The following CXCL10 variants were observed in gnomAD, a reference collection of about 807,000 sequenced individuals.
CXCL10 encodes C-X-C motif chemokine 10.
CXCL10 carries 6 observed loss-of-function variants against 10.8 expected under a neutral mutation model. That is an observed-to-expected ratio of 0.55 (90% CI 0.30 to 1.09). CXCL10 has a LOEUF of 1.09. Among genes scored for constraint, CXCL10 ranks in the 50% least tolerant of loss-of-function variants. The pLI, the probability that CXCL10 is intolerant of heterozygous loss-of-function variation, is 0.06. For synonymous variants in CXCL10, 35 were observed against 35.8 expected, an observed-to-expected ratio of 0.98 and a Z score of 0.08; for missense variants, 114 against 114.3, an observed-to-expected ratio of 1.00 and a Z score of 0.01.
At chr4:76,022,327 C>T in intron 3 of CXCL10, 39 bp downstream of exon 3, 1 of 1,539,538 alleles carries the variant, frequency 6.5e-7, no homozygotes, top group Non-Finnish European at 9.0e-7. Flanking sequence ...ATTGCCGTTT[C>T]CTAAAGAGCA....
rs968427234 is a variant in CXCL10, at chr4:76,021,559, A to G, written c.*371T>C. Reference sequence around the variant, plus strand: ...AGATTTGATTGCATACCTTTTAGTTATTTGAGATTCTGAGAATTCTGATAA... The same window carrying G: ...AGATTTGATTGCATACCTTTTAGTTGTTTGAGATTCTGAGAATTCTGATAA... On this transcript the variant is annotated 3_prime_UTR_variant, in exon 4 of 4. Coordinates refer to ENST00000306602, the MANE Select transcript of CXCL10 (RefSeq NM_001565.4). The G allele has an allele frequency of 1.9e-5, 4 of 215,348 alleles. No homozygotes were observed. Among genetic ancestry groups the G allele is most frequent in the Non-Finnish European group, 3.7e-5 (4 of 109,568 alleles). 13.3% of individuals were successfully genotyped at this position (215,348 alleles called of 1,614,324 possible).
intron 3 of CXCL10, 104 bp downstream of exon 3, chr4:76,022,260 ACT>A: frequency 1.1e-6 from 1 of 913,902 alleles, no homozygotes; most frequent in Non-Finnish European, 1.8e-6. Context: ...GTGGTAACAT[ACT>A]TTTAAACCAG....
rs1433789272 is a variant in CXCL10 at position 76,022,818 on chromosome 4, C to G, written c.62-1G>C. The G allele has an allele frequency of 1.9e-6, 3 of 1,607,016 alleles. No homozygotes were observed. Among genetic ancestry groups the G allele is most frequent in the Non-Finnish European group, 2.5e-6 (3 of 1,179,176 alleles). On this transcript the variant is annotated splice_acceptor_variant, in intron 1 of 3. Transcript: ENST00000306602. LOFTEE classifies it high-confidence loss of function. ...CGTACAGTTCTAGAGAGAGGTACTC[C>G]TGTAGGAAAAGAGGAACAGCAGAGA...
chr4:76,022,602 T>C lies in CXCL10; in HGVS notation c.188+89A>G, dbSNP rs1732960871. On this transcript the variant is annotated intron_variant, in intron 2 of 3. Coordinates refer to ENST00000306602, the MANE Select transcript of CXCL10 (RefSeq NM_001565.4). ...TTAGTTTTAGAATCATCACAAACCCTTTACTGATCTTTTTTTATTATCATT... is the reference window on the plus strand; with the variant it reads ...TTAGTTTTAGAATCATCACAAACCCCTTACTGATCTTTTTTTATTATCATT... 3.5e-6 allele frequency: 5 copies of C among 1,442,340 alleles called. No individual in the cohort carries two copies. In the East Asian group the frequency reaches 1.3e-4, roughly 37 times the overall value. 89.3% of individuals were successfully genotyped at this position (1,442,340 alleles called of 1,614,324 possible).
chr4:76,023,185 T>C (rs1057099363), intron 1 of CXCL10, among the ~76,000 whole-genome samples, 186 bp downstream of exon 1: 1 of 151,132 alleles, frequency 6.6e-6, no homozygotes, highest in Non-Finnish European at 1.5e-5. Context: ...CTCTTTCTCT[T>C]ATTCTATTTG....
intron 2 of CXCL10, 24 bp from the exon 3 acceptor site, chr4:76,022,479 A>G (rs745960921): frequency 1.3e-5 from 21 of 1,600,856 alleles, no homozygotes; most frequent in Non-Finnish European, 1.7e-5. Flanking sequence ...TAGGGATGAA[A>G]ATATTTAAAA....
chr4:76,022,010 G>T, intron 3 of CXCL10, 62 bp from the exon 4 acceptor site: 2 of 1,457,948 alleles, frequency 1.4e-6, no homozygotes, highest in Non-Finnish European at 1.9e-6. Flanking sequence ...AGATTGGGTT[G>T]TGTTTGGAAA....
At position 76,021,276 on chromosome 4, in the gene CXCL10, TC is replaced by T. The variant is rs1389850153; in HGVS notation, c.*653del. The T allele has an allele frequency of 6.6e-6, 1 of 152,264 alleles. No individual in the cohort carries two copies. Among genetic ancestry groups the T allele is most frequent in the Admixed American group, 6.5e-5 (1 of 15,286 alleles). 9.4% of individuals were successfully genotyped at this position (152,264 alleles called of 1,614,324 possible). A position where few individuals can be genotyped will look rare whatever the true frequency, so the allele number is the denominator to read the frequency against. ...ATATCTATCTGTATTTTTAAAATTT[TC>T]CTGTTACTCATTGATACATAGTACT... On this transcript the variant is annotated 3_prime_UTR_variant, in exon 4 of 4. Transcript: ENST00000306602.
chr4:76,021,977 T>A (rs1465876842), intron 3 of CXCL10, 29 bp from the exon 4 acceptor site: 1 of 1,591,412 alleles, frequency 6.3e-7, no homozygotes, highest in Non-Finnish European at 8.6e-7. Context: ...GATATAAAAG[T>A]GTGATAGTCT....
At chr4:76,023,216 A>G (rs527426349) in intron 1 of CXCL10, among the ~76,000 whole-genome samples, 155 bp downstream of exon 1, 2 of 151,952 alleles carry the variant, frequency 1.3e-5, no homozygotes, top group Non-Finnish European at 2.9e-5. Flanking sequence ...TTCAATTCAT[A>G]TAAGTTTTAT....
chr4:76,022,457 TG>T lies in CXCL10; in HGVS notation c.189-3del. ...TCACCCTTCTTTTTCATTGTAGCACTGTAGAAATAAATAGGGATGAAAATAT... is the reference window on the plus strand; with the variant it reads ...TCACCCTTCTTTTTCATTGTAGCACTTAGAAATAAATAGGGATGAAAATAT... On this transcript the variant is annotated splice_region_variant and splice_polypyrimidine_tract_variant and intron_variant, in intron 2 of 3. Transcript: ENST00000306602. 6.2e-7 allele frequency: 1 copy of T among 1,611,586 alleles called. No individual in the cohort carries two copies. The highest frequency in any genetic ancestry group is 8.5e-7 in the Non-Finnish European group (1 of 1,179,012).
In CXCL10 at chr4:76,021,586, C is replaced by T. The variant is rs1446310036; in HGVS notation, c.*344G>A. 8.5e-6 allele frequency: 2 copies of T among 234,060 alleles called. No homozygotes were observed. Among genetic ancestry groups the T allele is most frequent in the Admixed American group, 6.8e-5 (1 of 14,728 alleles). The allele number at this position is 234,060 out of a possible 1,614,324, so 14.5% of individuals were successfully genotyped here. On this transcript the variant is annotated 3_prime_UTR_variant, in exon 4 of 4. Coordinates refer to ENST00000306602, the MANE Select transcript of CXCL10 (RefSeq NM_001565.4). Reference sequence around the variant, plus strand: ...TTGAGATTCTGAGAATTCTGATAAACCCCAAAGCAGAAAGATTCCTTAGTA... The same window carrying T: ...TTGAGATTCTGAGAATTCTGATAAATCCCAAAGCAGAAAGATTCCTTAGTA...
chr4:76,022,059 T>C (rs1193451692), intron 3 of CXCL10, 111 bp from the exon 4 acceptor site: 7 of 1,021,646 alleles, frequency 6.9e-6, no homozygotes, highest in South Asian at 2.6e-5. Flanking sequence ...GCTTTCCTGC[T>C]GCTATGCATT....
Position 76,021,909 on chromosome 4 carries a change from C to T in CXCL10, c.*21G>A, listed in dbSNP as rs779770545. 1.9e-6 allele frequency: 3 copies of T among 1,609,026 alleles called. No homozygotes were observed. The highest frequency in any genetic ancestry group is 3.3e-5 in the Admixed American group (2 of 60,008). On this transcript the variant is annotated 3_prime_UTR_variant, in exon 4 of 4. Coordinates refer to ENST00000306602, the MANE Select transcript of CXCL10 (RefSeq NM_001565.4). Reference sequence around the variant, plus strand: ...TGGTCCATCCTTGGAAGCACTGCATCGATTTTGCTCCCCTCTGGTTTTAAG... The same window carrying T: ...TGGTCCATCCTTGGAAGCACTGCATTGATTTTGCTCCCCTCTGGTTTTAAG...
At chr4:76,022,191 T>C (rs971331557) in intron 3 of CXCL10, among the ~76,000 whole-genome samples, 175 bp downstream of exon 3, 5 of 152,200 alleles carry the variant, frequency 3.3e-5, no homozygotes, top group African/African-American at 1.2e-4. Flanking sequence ...TAACTTCTGA[T>C]ACTTATCACA....
At chr4:76,023,341 A>G (rs751375839) in intron 1 of CXCL10, 30 bp downstream of exon 1, 142 of 1,559,494 alleles carry the variant, frequency 9.1e-5, no homozygotes, top group Non-Finnish European at 1.1e-4. Context: ...TTCTCATTTT[A>G]CAAATTAAGT....
In CXCL10 at chr4:76,023,428, T is replaced by A; in HGVS notation, c.4A>T (p.Asn2Tyr). 6.2e-7 allele frequency: 1 copy of A among 1,613,916 alleles called. No individual in the cohort carries two copies. Among genetic ancestry groups the A allele is most frequent in the Non-Finnish European group, 8.5e-7 (1 of 1,179,790 alleles). Residue 2 changes from asparagine (N) to tyrosine (Y), a missense_variant, in exon 1 of 4, where the codon AAT (asparagine) becomes TAT (tyrosine). Asn to Tyr is a moderately radical substitution (Grantham distance 143). Transcript: ENST00000306602. ...CAGCAAATCAGAATGGCAGTTTGAT[T>A]CATGGTGCTGAGACTGGAGGTTCCT... M[N>Y]QTAILICCLI...
Position 76,022,408 on chromosome 4 carries a change from G to A in CXCL10, c.236C>T (p.Ser79Leu), listed in dbSNP as rs755610178. ...KGEKRCLNPE[S>L]KAIKNLLKAV... ...TTTCAGTAAATTCTTGATGGCCTTCGATTCTGGATTCAGACATCTCTTCTC... is the reference window on the plus strand; with the variant it reads ...TTTCAGTAAATTCTTGATGGCCTTCAATTCTGGATTCAGACATCTCTTCTC... Residue 79 changes from serine to leucine, a missense_variant, in exon 3 of 4, where the codon TCG (serine) becomes TTG (leucine). Ser to Leu is a moderately radical substitution (Grantham distance 145). Transcript: ENST00000306602. 19 of 1,613,506 alleles carry A rather than the reference G, an allele frequency of 1.2e-5. No individual in the cohort carries two copies. In the East Asian group the frequency reaches 1.8e-4, roughly 15 times the overall value.
Position 76,022,071 on chromosome 4 carries a change from A to G in CXCL10, c.279-123T>C, listed in dbSNP as rs4859585. On this transcript the variant is annotated intron_variant, in intron 3 of 3. Transcript: ENST00000306602. ...TGAGCTTTCCTGCTGCTATGCATTCATTATGGATTATAGGGGTTGCTTTTT... is the reference window on the plus strand; with the variant it reads ...TGAGCTTTCCTGCTGCTATGCATTCGTTATGGATTATAGGGGTTGCTTTTT... 6.9e-3 allele frequency: 6,614 copies of G among 961,086 alleles called. 163 individuals carry two copies. The highest frequency in any genetic ancestry group is 0.068 in the Admixed American group (3,748 of 55,480). The allele number at this position is 961,086 out of a possible 1,614,324, so 59.5% of individuals were successfully genotyped here. A position where few individuals can be genotyped will look rare whatever the true frequency, so the allele number is the denominator to read the frequency against.
Sources: gnomAD v4.1 joint callset for allele counts (sites outside exome capture counted in the v4.1 genomes callset) on GRCh38, gnomAD v4.1.1 for gene constraint, MANE v1.5 for transcripts, NCBI Gene and HGNC (gene_info 2026-07-23, HGNC 2026-07-21) for gene names.